Variants in LRIG1 observed in about 807,000 individuals in gnomAD.
The protein encoded by LRIG1 is leucine rich repeats and immunoglobulin like domains 1, also known as leucine-rich repeats and immunoglobulin-like domains protein 1.
A neutral mutation model predicts 99.2 loss-of-function variants in LRIG1; 48 were observed. The ratio of observed to expected loss-of-function variants is 0.48; its 90% CI spans 0.38 to 0.62. The LOEUF is 0.62. Ranked by LOEUF, LRIG1 falls within the 20% of genes least tolerant of loss-of-function variation. The pLI is 0.00. For synonymous variants in LRIG1, 772 were observed against 596.1 expected (o/e 1.29, Z -4.30); for missense variants, 1,646 against 1,434.4 (o/e 1.15, Z -2.38).
chr3:66,483,076 C>T (rs1016136775), intron 1 of LRIG1, among the ~76,000 whole-genome samples: 8 of 152,166 alleles, frequency 5.3e-5, no homozygotes, highest in Admixed American at 2.0e-4. Flanking sequence ...CCCCGTAAGG[C>T]CACCAAGACA....
intron 1 of LRIG1, among the ~76,000 whole-genome samples, chr3:66,490,941 A>T (rs1044061809): frequency 6.6e-6 from 1 of 152,244 alleles, no homozygotes; most frequent in Non-Finnish European, 1.5e-5. Flanking sequence ...CAAAAAATCC[A>T]TTCTAAAGAA....
intron 1 of LRIG1, among the ~76,000 whole-genome samples, chr3:66,494,035 A>C (rs1701173412): frequency 1.3e-5 from 2 of 151,680 alleles, no homozygotes; most frequent in Non-Finnish European, 1.5e-5. Flanking sequence ...GGGAAGAAGG[A>C]AGGAATCTGG....
chr3:66,417,343 CA>C, intron 3 of LRIG1, 77 bp from the exon 4 acceptor site: 1 of 1,421,782 alleles, frequency 7.0e-7, no homozygotes, highest in Non-Finnish European at 9.7e-7. Flanking sequence ...TCCTGCACCC[CA>C]CCCCCCACCA....
intron 3 of LRIG1, among the ~76,000 whole-genome samples, chr3:66,424,742 C>G (rs944002307): frequency 6.6e-6 from 1 of 152,224 alleles, no homozygotes; most frequent in Non-Finnish European, 1.5e-5. Context: ...TTCAGCTTAA[C>G]GATTTCTGGA....
chr3:66,382,877 G>A (rs1701163405), intron 15 of LRIG1, 105 bp downstream of exon 15: 15 of 1,051,466 alleles, frequency 1.4e-5, no homozygotes, highest in Non-Finnish European at 1.5e-5. Context: ...CAGGAGTTCT[G>A]AACACAGTGC....
In LRIG1 at chr3:66,500,040, C is replaced by T. The variant is rs890958064; in HGVS notation, c.218+150G>A. On this transcript the variant is annotated intron_variant, in intron 1 of 18. Coordinates refer to ENST00000273261, the MANE Select transcript of LRIG1 (RefSeq NM_015541.3). ...ACGCAGAATCTCCCTTCCGCCACTCCAACCTGACAGTCTTCCAACACGCAC... is the reference window on the plus strand; with the variant it reads ...ACGCAGAATCTCCCTTCCGCCACTCTAACCTGACAGTCTTCCAACACGCAC... The T allele has an allele frequency of 9.9e-6, 6 of 603,392 alleles. No homozygotes were observed. In the African/African-American group the frequency reaches 1.2e-4, roughly 12 times the overall value. 37.4% of individuals were successfully genotyped at this position (603,392 alleles called of 1,614,324 possible).
At chr3:66,462,373 A>C (rs1700374392) in intron 2 of LRIG1, 65 bp downstream of exon 2, 1 of 1,201,470 alleles carries the variant, frequency 8.3e-7, no homozygotes, top group African/African-American at 1.5e-5. Flanking sequence ...ATGCTGCAAT[A>C]CAAGAGGATT....
At chr3:66,395,552 T>A (rs956099535) in intron 11 of LRIG1, among the ~76,000 whole-genome samples, 4 of 152,300 alleles carry the variant, frequency 2.6e-5, no homozygotes, top group Admixed American at 2.6e-4. Flanking sequence ...ATAACTTATC[T>A]CAAGGCCATT....
At chr3:66,474,459 T>C (rs1700672698) in intron 1 of LRIG1, among the ~76,000 whole-genome samples, 1 of 151,756 alleles carries the variant, frequency 6.6e-6, no homozygotes, top group Non-Finnish European at 1.5e-5. Flanking sequence ...GATGCTCCTA[T>C]CTCAGCCTCC....
chr3:66,401,662 G>C, intron 9 of LRIG1: 2 of 1,529,712 alleles, frequency 1.3e-6, no homozygotes, highest in Non-Finnish European at 1.7e-6. Flanking sequence ...CAGCAGACTG[G>C]GATGGCTCTA....
At chr3:66,480,970 G>T (rs988529021) in intron 1 of LRIG1, among the ~76,000 whole-genome samples, 2 of 152,186 alleles carry the variant, frequency 1.3e-5, no homozygotes, top group African/African-American at 4.8e-5. Context: ...GCTATTTCTG[G>T]AAAGTCCCTC....
chr3:66,494,956 A>G (rs1316913328), intron 1 of LRIG1, among the ~76,000 whole-genome samples: 1 of 152,208 alleles, frequency 6.6e-6, no homozygotes, highest in East Asian at 1.9e-4. Context: ...AAATTCTTTG[A>G]GCAAAACATA....
intron 1 of LRIG1, among the ~76,000 whole-genome samples, chr3:66,480,761 G>C (rs1459485924): frequency 1.3e-5 from 2 of 152,198 alleles, no homozygotes; most frequent in African/African-American, 4.8e-5. Context: ...TTTTGAAAGA[G>C]CATTTCTTTT....
At chr3:66,408,106 C>G (rs13075501) in intron 7 of LRIG1, among the ~76,000 whole-genome samples, 1 of 152,158 alleles carries the variant, frequency 6.6e-6, no homozygotes, top group Non-Finnish European at 1.5e-5. Flanking sequence ...ATGCTTTGCC[C>G]GAACCTCAGA....
chr3:66,384,403 G>T, intron 13 of LRIG1, 131 bp from the exon 14 acceptor site: 1 of 950,292 alleles, frequency 1.1e-6, no homozygotes, highest in Non-Finnish European at 1.6e-6. Flanking sequence ...GTCTGCCCAG[G>T]ACCACTCCTG....
At chr3:66,460,611 G>A (rs1056891344) in intron 2 of LRIG1, among the ~76,000 whole-genome samples, 5 of 152,164 alleles carry the variant, frequency 3.3e-5, no homozygotes, top group East Asian at 1.9e-4. Flanking sequence ...GCAAGGCCTC[G>A]GAAGAAACCA....
intron 3 of LRIG1, among the ~76,000 whole-genome samples, chr3:66,448,058 G>C (rs560719910): frequency 6.6e-6 from 1 of 152,154 alleles, no homozygotes; most frequent in Non-Finnish European, 1.5e-5. Context: ...GTTTATTAAG[G>C]ACAAATGGCT....
At position 66,413,970 on chromosome 3, in the gene LRIG1, G is replaced by GA. The variant is rs546725219; in HGVS notation, c.647+949dup. 6.6e-3 allele frequency among the ~76,000 whole-genome samples: 967 copies of GA among 145,998 alleles called. 7 individuals carry two copies. The highest frequency in any genetic ancestry group is 0.021 in the African/African-American group (857 of 40,082). ...TTCTTCTGCTAAAAAGAGGGCACAG[G>GA]AAAAAAAAAAATCAGGGAAAAAAAG... On this transcript the variant is annotated intron_variant, in intron 5 of 18. Coordinates refer to ENST00000273261, the MANE Select transcript of LRIG1 (RefSeq NM_015541.3).
chr3:66,409,935 G>A (rs909102294), intron 7 of LRIG1, 194 bp downstream of exon 7: 1 of 525,400 alleles, frequency 1.9e-6, no homozygotes, highest in African/African-American at 1.9e-5. Flanking sequence ...GAAGTGAAGG[G>A]GAGATGAGGA....
Sources: gnomAD v4.1 joint callset for allele counts (sites outside exome capture counted in the v4.1 genomes callset) on GRCh38, gnomAD v4.1.1 for gene constraint, MANE v1.5 for transcripts, NCBI Gene and HGNC (gene_info 2026-07-23, HGNC 2026-07-21) for gene names.